Variants in YARS1 observed in about 807,000 individuals in gnomAD.
The protein encoded by YARS1 is tyrosyl-tRNA synthetase 1, also known as tyrosine--tRNA ligase, cytoplasmic.
A neutral mutation model predicts 62.2 loss-of-function variants in YARS1; 36 were observed. That is an observed-to-expected ratio of 0.58 (90% CI 0.44 to 0.76). The LOEUF (loss-of-function observed/expected upper bound fraction) is 0.76. YARS1 is among the 30% of genes least tolerant of loss of function. YARS1 has a pLI of 0.00. For missense variants in YARS1, 524 were observed against 639.8 expected (o/e 0.82, Z 1.95); for synonymous variants, 234 against 244.9 (o/e 0.96, Z 0.42).
intron 5 of YARS1, 141 bp downstream of exon 5, chr1:32,797,622 A>G: frequency 1.3e-6 from 1 of 760,968 alleles, no homozygotes; most frequent in Non-Finnish European, 2.3e-6. Flanking sequence ...CTTATCTTCT[A>G]TCCTCAGTGT....
chr1:32,817,281 A>G lies in YARS1; in HGVS notation c.-37T>C, dbSNP rs1638777005. ...CCCTGCTTCCCCCGCTCAGCCCGGCACCAGAGCCCCTTCCTGGGTCACCGT... is the reference window on the plus strand; with the variant it reads ...CCCTGCTTCCCCCGCTCAGCCCGGCGCCAGAGCCCCTTCCTGGGTCACCGT... On this transcript the variant is annotated 5_prime_UTR_variant, in exon 1 of 13. Coordinates refer to ENST00000373477, the MANE Select transcript of YARS1 (RefSeq NM_003680.4). 1 of 1,612,670 alleles carries G rather than the reference A, an allele frequency of 6.2e-7. No individual in the cohort carries two copies. The highest frequency in any genetic ancestry group is 8.5e-7 in the Non-Finnish European group (1 of 1,179,500).
chr1:32,794,228 T>TA (rs1452303008), intron 5 of YARS1, among the ~76,000 whole-genome samples: 1 of 151,988 alleles, frequency 6.6e-6, no homozygotes, highest in African/African-American at 2.4e-5. Context: ...CGGGCACCTG[T>TA]AATCCCAGCT....
intron 1 of YARS1, among the ~76,000 whole-genome samples, chr1:32,816,525 A>G (rs1638738788): frequency 6.6e-6 from 1 of 152,204 alleles, no homozygotes; most frequent in Non-Finnish European, 1.5e-5. Flanking sequence ...GTTAAGGGGT[A>G]AGCAATATAA....
At chr1:32,779,186 TG>T (rs1652974578) in intron 12 of YARS1, among the ~76,000 whole-genome samples, 195 bp downstream of exon 12, 1 of 152,150 alleles carries the variant, frequency 6.6e-6, no homozygotes, top group Non-Finnish European at 1.5e-5. Context: ...CTGTCGGAGA[TG>T]TAATGCAAGG....
chr1:32,778,743 T>C (rs1652957026), intron 12 of YARS1, among the ~76,000 whole-genome samples: 1 of 147,272 alleles, frequency 6.8e-6, no homozygotes, highest in African/African-American at 2.5e-5. Flanking sequence ...TTTCTTTTTT[T>C]TTTTTTTTTT....
At chr1:32,800,900 G>A (rs946850987) in intron 4 of YARS1, among the ~76,000 whole-genome samples, 10 of 152,036 alleles carry the variant, frequency 6.6e-5, no homozygotes, top group Non-Finnish European at 1.3e-4. Context: ...CCTTCTCCTT[G>A]CTCGTACAAA....
At chr1:32,797,400 G>A (rs112629040) in intron 5 of YARS1, among the ~76,000 whole-genome samples, 138 of 152,136 alleles carry the variant, frequency 9.1e-4, no homozygotes, top group African/African-American at 3.3e-3. Context: ...AGAAAAAGAT[G>A]CTGGGAAATG....
intron 3 of YARS1, among the ~76,000 whole-genome samples, chr1:32,808,662 C>T (rs887070583): frequency 6.6e-6 from 1 of 152,170 alleles, no homozygotes; most frequent in Non-Finnish European, 1.5e-5. Context: ...ACTAGTGTCT[C>T]GCACATAGCA....
At chr1:32,781,859 C>T (rs1203680732) in intron 9 of YARS1, 1 of 164,926 alleles carries the variant, frequency 6.1e-6, no homozygotes, top group Non-Finnish European at 1.3e-5. Flanking sequence ...GTTGCCCAGG[C>T]TGGAGTGCAG....
Position 32,777,032 on chromosome 1 carries a change from AT to A in YARS1, c.1477-942del, listed in dbSNP as rs34834736. 3.6e-3 allele frequency among the ~76,000 whole-genome samples: 523 copies of A among 143,580 alleles called. 2 individuals carry two copies. The highest frequency in any genetic ancestry group is 5.3e-3 in the Non-Finnish European group (345 of 65,152). 94.2% of individuals were successfully genotyped at this position (143,580 alleles called of 152,430 possible). A position where few individuals can be genotyped will look rare whatever the true frequency, so the allele number is the denominator to read the frequency against. On this transcript the variant is annotated intron_variant, in intron 12 of 12. Transcript: ENST00000373477. ...GAATACTATACAGTGCAACCCCTCA[AT>A]TTTTTTTTTTTTTGGGATGGAGTTT... is the stretch of plus-strand genomic sequence containing the variant.
chr1:32,791,324 T>C, intron 5 of YARS1, 70 bp from the exon 6 acceptor site: 1 of 1,267,530 alleles, frequency 7.9e-7, no homozygotes, highest in Non-Finnish European at 1.2e-6. Flanking sequence ...TGATCTCATC[T>C]GACTTGGCCA....
intron 4 of YARS1, among the ~76,000 whole-genome samples, chr1:32,801,165 C>T (rs1219624854): frequency 6.6e-6 from 1 of 151,964 alleles, no homozygotes; most frequent in African/African-American, 2.4e-5. Context: ...GGAAGGAAGA[C>T]GAGAGACACA....
In YARS1 at chr1:32,797,772, A is replaced by G; in HGVS notation, c.582T>C (p.Phe194=). ...GAAAGCAGACACTCACCTTCTCTGCAAAGGTGAAAATCTTTCTCTGATCAA... is the reference window on the plus strand; with the variant it reads ...GAAAGCAGACACTCACCTTCTCTGCGAAGGTGAAAATCTTTCTCTGATCAA... ...GGIDQRKIFT[F]AEKYLPALGY... is the part of the protein sequence containing the mutation. The change falls in exon 5 of 13, where the codon TTT becomes TTC. Residue 194 remains phenylalanine (F), a synonymous_variant. Coordinates refer to ENST00000373477, the MANE Select transcript of YARS1 (RefSeq NM_003680.4). 6.2e-7 allele frequency: 1 copy of G among 1,613,992 alleles called. No homozygotes were observed. The highest frequency in any genetic ancestry group is 1.1e-5 in the South Asian group (1 of 91,086).
chr1:32,783,537 C>T (rs947913910), intron 8 of YARS1: 3 of 152,144 alleles, frequency 2.0e-5, no homozygotes, highest in African/African-American at 7.2e-5. Context: ...TCTTGAACTC[C>T]TGACCTCGTG....
chr1:32,813,014 C>G (rs1021750185), intron 1 of YARS1, among the ~76,000 whole-genome samples: 1 of 150,320 alleles, frequency 6.7e-6, no homozygotes, highest in Non-Finnish European at 1.5e-5. Context: ...CCCTCCTTAT[C>G]TTAACTCAAG....
chr1:32,787,175 G>A, intron 6 of YARS1, 100 bp from the exon 7 acceptor site: 1 of 1,435,410 alleles, frequency 7.0e-7, no homozygotes, highest in South Asian at 1.2e-5. Flanking sequence ...TGTCACCCAG[G>A]CTGGAGTGCA....
chr1:32,802,734 C>G (rs1638330331), intron 4 of YARS1, among the ~76,000 whole-genome samples: 5 of 152,170 alleles, frequency 3.3e-5, no homozygotes, highest in Admixed American at 3.3e-4. Context: ...GCTTAAAATG[C>G]TCAGTAAATC....
chr1:32,794,683 C>T (rs1480179037), intron 5 of YARS1, among the ~76,000 whole-genome samples: 3 of 151,900 alleles, frequency 2.0e-5, no homozygotes, highest in East Asian at 2.0e-4. Flanking sequence ...ACCCATTGCG[C>T]CCAGCCAAGG....
chr1:32,780,889 G>C (rs148366372), intron 10 of YARS1, among the ~76,000 whole-genome samples, 159 bp downstream of exon 10: 6 of 152,194 alleles, frequency 3.9e-5, no homozygotes, highest in Non-Finnish European at 5.9e-5. Context: ...GGCAACAATC[G>C]CAACAGAAAG....
Sources: gnomAD v4.1 joint callset for allele counts (sites outside exome capture counted in the v4.1 genomes callset) on GRCh38, gnomAD v4.1.1 for gene constraint, MANE v1.5 for transcripts, NCBI Gene and HGNC (gene_info 2026-07-23, HGNC 2026-07-21) for gene names.